The following EFCAB5 variants were observed in gnomAD, a reference collection of about 807,000 sequenced individuals.
EFCAB5 encodes EF-hand calcium binding domain 5, also known as EF-hand calcium-binding domain-containing protein 5.
A neutral mutation model predicts 167.9 loss-of-function variants in EFCAB5; 131 were observed. The ratio of observed to expected loss-of-function variants is 0.78; its 90% confidence interval spans 0.68 to 0.90. The LOEUF (loss-of-function observed/expected upper bound fraction) is 0.90. Among genes scored for constraint, EFCAB5 ranks in the 40% least tolerant of loss-of-function variants. The pLI, the probability that EFCAB5 is intolerant of heterozygous loss-of-function variation, is 0.00. For missense variants in EFCAB5, 1,663 were observed against 1,745.2 expected (o/e 0.95, Z 0.84); for synonymous variants, 574 against 602.8 (o/e 0.95, Z 0.70).
chr17:29,978,952 G>A (rs1285005467), intron 4 of EFCAB5, among the ~76,000 whole-genome samples: 1 of 152,162 alleles, frequency 6.6e-6, no homozygotes, highest in Non-Finnish European at 1.5e-5. Context: ...CCCTGGGGCA[G>A]GGGGGATGGG....
intron 7 of EFCAB5, among the ~76,000 whole-genome samples, chr17:30,001,777 GTAA>G (rs1394514727): frequency 6.6e-6 from 1 of 152,116 alleles, no homozygotes; most frequent in Non-Finnish European, 1.5e-5. Context: ...ATTTTTTTGT[GTAA>G]TAATAATAGC....
intron 17 of EFCAB5, among the ~76,000 whole-genome samples, chr17:30,082,140 G>T (rs1346619207): frequency 6.6e-6 from 1 of 152,132 alleles, no homozygotes; most frequent in African/African-American, 2.4e-5. Context: ...AACCAAACAT[G>T]TCCTATACTG....
chr17:30,019,461 T>C (rs191999970), intron 7 of EFCAB5, among the ~76,000 whole-genome samples: 2 of 151,740 alleles, frequency 1.3e-5, no homozygotes, highest in East Asian at 3.9e-4. Context: ...TTTTTTTTTT[T>C]TGAGATGGAG....
rs780953167 is a variant in EFCAB5, at chr17:30,053,468, C to T, written c.1514C>T (p.Pro505Leu). ...AGAACATCAACACCATCACCAAACC[C>T]GCCAGAACAGCAGAGAGGAGTAACT... is the stretch of plus-strand genomic sequence containing the variant. The part of the protein sequence containing the change: ...EQRTSTPSPN[P>L]PEQQRGVTAE... Residue 505 changes from proline (P) to leucine (L), a missense_variant, in exon 10 of 23, where the codon CCG becomes CTG. Transcript: ENST00000394835. 9.9e-6 allele frequency: 16 copies of T among 1,613,790 alleles called. 1 individual carries two copies. In the Admixed American group the frequency reaches 1.7e-4, roughly 17 times the overall value.
chr17:30,092,171 TA>T lies in EFCAB5; in HGVS notation c.4224+19del. On this transcript the variant is annotated intron_variant, in intron 21 of 22. Coordinates refer to ENST00000394835, the MANE Select transcript of EFCAB5 (RefSeq NM_198529.4). Reference sequence around the variant, plus strand: ...AAGTGTAAATTTGTAAGTTTTTTTTTAAAAAGCACCTTTTAAATTGAAGAAT... The same window carrying T: ...AAGTGTAAATTTGTAAGTTTTTTTTTAAAAGCACCTTTTAAATTGAAGAAT... 1 of 1,594,718 alleles carries T rather than the reference TA, an allele frequency of 6.3e-7. No homozygotes were observed. The highest frequency in any genetic ancestry group is 1.4e-5 in the African/African-American group (1 of 73,878).
In EFCAB5 at chr17:30,107,814, CTT is replaced by C; in HGVS notation, c.4322-12_4322-11del. 9.8e-7 allele frequency: 1 copy of C among 1,018,194 alleles called. No individual in the cohort carries two copies. Among genetic ancestry groups the C allele is most frequent in the East Asian group, 4.3e-5 (1 of 23,066 alleles). 63.1% of individuals were successfully genotyped at this position (1,018,194 alleles called of 1,614,324 possible). Reference sequence around the variant, plus strand: ...TGCAAAACTCTCCACTCTTACTTTTCTTTTTTTTTCCTGATGCAGATCATTCC... The same window carrying C: ...TGCAAAACTCTCCACTCTTACTTTTCTTTTTTTCCTGATGCAGATCATTCC... On this transcript the variant is annotated intron_variant, in intron 22 of 22. Transcript: ENST00000394835.
chr17:29,933,488 A>T (rs1264176828), intron 1 of EFCAB5, among the ~76,000 whole-genome samples: 1 of 152,164 alleles, frequency 6.6e-6, no homozygotes, highest in African/African-American at 2.4e-5. Context: ...AGAGCCTAGG[A>T]TCCTCTTACT....
chr17:30,031,636 GCTTCAGAGTGAGTT>G (rs1353909752), intron 7 of EFCAB5: 1 of 152,288 alleles, frequency 6.6e-6, no homozygotes, highest in East Asian at 1.9e-4. Context: ...GCCCAGACAG[GCTTCAGAGTGAGTT>G]CTTAACCACT....
chr17:30,034,478 T>C, intron 8 of EFCAB5, 93 bp downstream of exon 8: 3 of 1,464,608 alleles, frequency 2.0e-6, no homozygotes, highest in Non-Finnish European at 2.7e-6. Flanking sequence ...GCTGGTGGAT[T>C]ACTTGAGCCC....
chr17:30,073,096 G>C, intron 14 of EFCAB5: 1 of 667,782 alleles, frequency 1.5e-6, no homozygotes, highest in Non-Finnish European at 2.7e-6. Context: ...TCACTCTGTC[G>C]CCAGGCTGGA....
intron 3 of EFCAB5, among the ~76,000 whole-genome samples, chr17:29,949,355 A>G (rs2067463936): frequency 6.6e-6 from 1 of 152,226 alleles, no homozygotes; most frequent in African/African-American, 2.4e-5. Flanking sequence ...TTTTTATATT[A>G]GAAGGTAGAC....
At chr17:29,945,211 T>C (rs1423735437) in intron 3 of EFCAB5, among the ~76,000 whole-genome samples, 1 of 152,176 alleles carries the variant, frequency 6.6e-6, no homozygotes, top group South Asian at 2.1e-4. Context: ...ATTGAATGTT[T>C]AGTATACGCT....
At chr17:29,957,855 A>C (rs2067648066) in intron 3 of EFCAB5, among the ~76,000 whole-genome samples, 1 of 152,160 alleles carries the variant, frequency 6.6e-6, no homozygotes, top group Admixed American at 6.5e-5. Context: ...TATACCCAGC[A>C]ATGGGATTGC....
chr17:30,077,842 T>A (rs1172965539), intron 14 of EFCAB5, among the ~76,000 whole-genome samples: 6 of 152,206 alleles, frequency 3.9e-5, no homozygotes, highest in Non-Finnish European at 8.8e-5. Context: ...AAACGCTGGC[T>A]CTGGGGTTAT....
Position 30,047,867 on chromosome 17 carries a change from C to A in EFCAB5, c.1201-3251C>A, listed in dbSNP as rs9911049. ...CTTAAGTCAGTTGGTATACCCAGAA[C>A]TCTTTGGTTGAAGGGAAGGCTGGGT... On this transcript the variant is annotated intron_variant, in intron 8 of 22. Transcript: ENST00000394835. Among the ~76,000 whole-genome samples, 962 of 152,304 alleles carry A rather than the reference C, an allele frequency of 6.3e-3. 5 individuals carry two copies. The highest frequency in any genetic ancestry group is 0.022 in the African/African-American group (923 of 41,566).
chr17:29,999,480 ATTTGT>A (rs1423580428), intron 6 of EFCAB5, among the ~76,000 whole-genome samples: 1 of 152,146 alleles, frequency 6.6e-6, no homozygotes, highest in Non-Finnish European at 1.5e-5. Context: ...TATTATTTGA[ATTTGT>A]TAACTAAAAG....
chr17:30,107,696 A>T, intron 22 of EFCAB5, 138 bp from the exon 23 acceptor site: 1 of 681,188 alleles, frequency 1.5e-6, no homozygotes, highest in Non-Finnish European at 2.2e-6. Flanking sequence ...TCCTGTAATT[A>T]CATATTTACA....
At position 30,057,685 on chromosome 17, in the gene EFCAB5, C is replaced by A; in HGVS notation, c.2375C>A (p.Ser792Ter). ...YGNSRFTDLH[S>*]IIRNIQSCKE... ...GTTTCTTGCTTGACAGATTTACACT[C>A]AATTATCAGAAATATTCAGTCTTGC... is the stretch of plus-strand genomic sequence containing the variant. Residue 792 changes from serine (S) to a stop codon, truncating the protein, a stop_gained, in exon 13 of 23, where the codon TCA (serine) becomes TAA (stop). Transcript: ENST00000394835. LOFTEE classifies it high-confidence loss of function. The A allele has an allele frequency of 6.2e-7, 1 of 1,612,336 alleles. No individual in the cohort carries two copies. Among genetic ancestry groups the A allele is most frequent in the Non-Finnish European group, 8.5e-7 (1 of 1,178,750 alleles).
chr17:30,082,593 G>A (rs1567766946), intron 17 of EFCAB5, among the ~76,000 whole-genome samples: 1 of 152,000 alleles, frequency 6.6e-6, no homozygotes, highest in East Asian at 1.9e-4. Flanking sequence ...GTTTCACCAT[G>A]TTGGCCAGGC....
Sources: allele counts gnomAD v4.1 joint callset (sites outside exome capture counted in the v4.1 genomes callset), GRCh38; gene constraint gnomAD v4.1.1; transcripts MANE v1.5; gene names NCBI Gene and HGNC (gene_info 2026-07-23, HGNC 2026-07-21).